ARHGAP24: variants seen among roughly 807,000 people sequenced by gnomAD.
ARHGAP24 encodes the protein rho GTPase-activating protein 24.
Under a neutral mutation model 76.4 loss-of-function variants are expected in ARHGAP24, and 50 were observed. That is an observed-to-expected ratio of 0.65 (90% CI 0.52 to 0.83). The LOEUF is 0.83. ARHGAP24 is among the 40% of genes least tolerant of loss of function. The probability of loss-of-function intolerance (pLI) is 0.00; values close to 1 mark genes in which losing one functional copy is unlikely to be tolerated. For synonymous variants in ARHGAP24, 345 were observed against 323.3 expected (o/e 1.07, Z -0.72); for missense variants, 930 against 914.2 (o/e 1.02, Z -0.22).
intron 2 of ARHGAP24, among the ~76,000 whole-genome samples, chr4:85,698,650 A>G (rs1319894280): frequency 1.3e-5 from 2 of 152,194 alleles, no homozygotes; most frequent in South Asian, 2.1e-4. Context: ...TCTGGAAGCT[A>G]AAAGTCTGAA....
intron 2 of ARHGAP24, among the ~76,000 whole-genome samples, chr4:85,637,681 T>A (rs62317214): frequency 0.26 from 40,226 of 151,920 alleles, 7,450 homozygotes; most frequent in East Asian, 0.84. Context: ...TACATAATGA[T>A]GTTGAAATAA....
intron 5 of ARHGAP24, among the ~76,000 whole-genome samples, chr4:85,969,867 T>C (rs1253420576): frequency 1.3e-5 from 2 of 152,204 alleles, no homozygotes; most frequent in African/African-American, 4.8e-5. Flanking sequence ...GAAGATGACC[T>C]GGGAACACGA....
chr4:85,549,376 T>G (rs1726039542), intron 1 of ARHGAP24, among the ~76,000 whole-genome samples: 2 of 151,490 alleles, frequency 1.3e-5, no homozygotes. Context: ...TACCGGATTG[T>G]GTTTATAATG....
chr4:85,707,031 C>T (rs1724339291), intron 2 of ARHGAP24, among the ~76,000 whole-genome samples: 1 of 152,200 alleles, frequency 6.6e-6, no homozygotes, highest in African/African-American at 2.4e-5. Flanking sequence ...CCTCCTGCCT[C>T]AGCCTCCTGA....
chr4:85,616,776 C>T (rs755996694), intron 2 of ARHGAP24, among the ~76,000 whole-genome samples: 1 of 151,966 alleles, frequency 6.6e-6, no homozygotes, highest in Non-Finnish European at 1.5e-5. Flanking sequence ...TACAGGGGTG[C>T]GCCACCATGC....
rs1412477494 is a variant in ARHGAP24 at position 86,001,900 on chromosome 4, G to C, written c.*1178G>C. 6.5e-6 allele frequency: 1 copy of C among 153,144 alleles called. No individual in the cohort carries two copies. The highest frequency in any genetic ancestry group is 1.5e-5 in the Non-Finnish European group (1 of 68,702). The allele number at this position is 153,144 out of a possible 1,614,324, so 9.5% of individuals were successfully genotyped here. ...AAGTTTAGAAGAAACAAACCATTTTGCTTCTAATTTTGACAGTATCACTTT... is the reference window on the plus strand; with the variant it reads ...AAGTTTAGAAGAAACAAACCATTTTCCTTCTAATTTTGACAGTATCACTTT... On this transcript the variant is annotated 3_prime_UTR_variant, in exon 10 of 10. Coordinates refer to ENST00000395184, the MANE Select transcript of ARHGAP24 (RefSeq NM_001025616.3).
At chr4:85,841,791 T>TCAG (rs1252614505) in intron 3 of ARHGAP24, among the ~76,000 whole-genome samples, 2 of 152,224 alleles carry the variant, frequency 1.3e-5, no homozygotes, top group African/African-American at 4.8e-5. Context: ...GACCTAGGCA[T>TCAG]CAGCAGGATG....
At chr4:85,530,659 A>T (rs1021674438) in intron 1 of ARHGAP24, among the ~76,000 whole-genome samples, 3 of 152,088 alleles carry the variant, frequency 2.0e-5, no homozygotes, top group Non-Finnish European at 4.4e-5. Flanking sequence ...CAAGTGGATT[A>T]TAAACTTTAT....
chr4:85,753,738 T>G (rs1205603505), intron 3 of ARHGAP24, among the ~76,000 whole-genome samples: 1 of 152,228 alleles, frequency 6.6e-6, no homozygotes, highest in African/African-American at 2.4e-5. Context: ...TCTAGAATTG[T>G]GCTTATTAAG....
intron 3 of ARHGAP24, among the ~76,000 whole-genome samples, chr4:85,729,952 C>A (rs556601600): frequency 6.6e-6 from 1 of 152,250 alleles, no homozygotes; most frequent in East Asian, 1.9e-4. Flanking sequence ...TGATATAAAT[C>A]ACTAATCCCC....
intron 3 of ARHGAP24, among the ~76,000 whole-genome samples, chr4:85,742,745 T>G (rs1725872555): frequency 6.6e-6 from 1 of 152,246 alleles, no homozygotes; most frequent in Non-Finnish European, 1.5e-5. Flanking sequence ...TATTATGAAT[T>G]GTTTTCAAGT....
chr4:85,910,562 T>C (rs1235871153), intron 3 of ARHGAP24, among the ~76,000 whole-genome samples: 1 of 152,168 alleles, frequency 6.6e-6, no homozygotes, highest in African/African-American at 2.4e-5. Context: ...AGCTCCTCTC[T>C]GTAGACAGGT....
intron 3 of ARHGAP24, among the ~76,000 whole-genome samples, chr4:85,870,803 A>G (rs546023570): frequency 6.6e-5 from 10 of 152,258 alleles, no homozygotes; most frequent in South Asian, 4.1e-4. Context: ...ATGTTCAGAA[A>G]TATCAAGAAG....
intron 6 of ARHGAP24, among the ~76,000 whole-genome samples, chr4:85,974,230 T>C (rs554128187): frequency 6.6e-6 from 1 of 152,260 alleles, no homozygotes; most frequent in South Asian, 2.1e-4. Flanking sequence ...GCTTTTGCAC[T>C]ACAACAGAAG....
In ARHGAP24 at chr4:85,774,718, G is replaced by A. The variant is rs185395629; in HGVS notation, c.268+52746G>A. 3.8e-3 allele frequency among the ~76,000 whole-genome samples: 571 copies of A among 152,264 alleles called. 7 individuals are homozygous for A. Among genetic ancestry groups the A allele is most frequent in the African/African-American group, 0.013 (555 of 41,542 alleles). ...AGATACAACTACTTAGGGCCCAGCTGGGGCTCTTTCCTCATTTCCTGTCAT... is the reference window on the plus strand; with the variant it reads ...AGATACAACTACTTAGGGCCCAGCTAGGGCTCTTTCCTCATTTCCTGTCAT... On this transcript the variant is annotated intron_variant, in intron 3 of 9. Coordinates refer to ENST00000395184, the MANE Select transcript of ARHGAP24 (RefSeq NM_001025616.3).
intron 3 of ARHGAP24, among the ~76,000 whole-genome samples, chr4:85,873,569 T>C (rs1255275212): frequency 1.3e-5 from 2 of 152,190 alleles, no homozygotes. Flanking sequence ...AGCTAGAGCA[T>C]AATGTGATAA....
At chr4:85,570,390 C>T (rs550897235) in intron 1 of ARHGAP24, 132 bp from the exon 2 acceptor site, 1 of 14,176 alleles carries the variant, frequency 7.1e-5, no homozygotes, top group Non-Finnish European at 1.3e-4. Flanking sequence ...TTCTTTCTTT[C>T]TTTCTTTCTT....
chr4:85,591,031 GTTTTTTTTTTTTTT>G (rs35373441), intron 2 of ARHGAP24, among the ~76,000 whole-genome samples: 2 of 62,610 alleles, frequency 3.2e-5, no homozygotes, highest in Non-Finnish European at 5.5e-5. Flanking sequence ...AATCTGCTGG[GTTTTTTTTTTTTTT>G]TTTTTTTTTT....
chr4:85,947,487 C>T (rs1441611960), intron 5 of ARHGAP24, among the ~76,000 whole-genome samples: 2 of 152,110 alleles, frequency 1.3e-5, no homozygotes, highest in Non-Finnish European at 2.9e-5. Context: ...GGCTTCACCT[C>T]CTAATACAAT....
Sources: gnomAD v4.1 joint callset for allele counts (sites outside exome capture counted in the v4.1 genomes callset) on GRCh38, gnomAD v4.1.1 for gene constraint, MANE v1.5 for transcripts, NCBI Gene and HGNC (gene_info 2026-07-23, HGNC 2026-07-21) for gene names.